The following GDPD4 variants were observed in gnomAD, a reference collection of about 807,000 sequenced individuals.
GDPD4 encodes the protein glycerophosphodiester phosphodiesterase 6.
A neutral mutation model predicts 67.8 loss-of-function variants in GDPD4; 60 were observed. The ratio of observed to expected loss-of-function variants is 0.88; its 90% confidence interval spans 0.72 to 1.10. The LOEUF (loss-of-function observed/expected upper bound fraction) is 1.10, where lower values mean the gene tolerates loss of function less well. Ranked by LOEUF, GDPD4 falls within the 50% of genes least tolerant of loss-of-function variation. The probability of loss-of-function intolerance (pLI) is 0.00; values close to 1 mark genes in which losing one functional copy is unlikely to be tolerated. For missense variants in GDPD4, 623 were observed against 613.9 expected (o/e 1.01, Z -0.16); for synonymous variants, 212 against 210.9 (o/e 1.00, Z -0.04).
intron 9 of GDPD4, among the ~76,000 whole-genome samples, 171 bp from the exon 10 acceptor site, chr11:77,268,710 A>G (rs1959190846): frequency 6.6e-6 from 1 of 152,176 alleles, no homozygotes; most frequent in Non-Finnish European, 1.5e-5. Flanking sequence ...GACTCTGCTC[A>G]TCTGAGACAA....
At chr11:77,268,888 C>G (rs745876832) in intron 9 of GDPD4, 36 bp downstream of exon 9, 84 of 1,604,376 alleles carry the variant, frequency 5.2e-5, no homozygotes, top group Non-Finnish European at 7.0e-5. Context: ...CCCACACATA[C>G]TTATTTTCAC....
rs181673705 is a variant in GDPD4 at position 77,283,328 on chromosome 11, A to C, written c.53+1757T>G. Among the ~76,000 whole-genome samples the C allele has an allele frequency of 1.6e-3, 239 of 152,316 alleles. 3 individuals carry two copies. The highest frequency in any genetic ancestry group is 5.6e-3 in the African/African-American group (231 of 41,560). On this transcript the variant is annotated intron_variant, in intron 3 of 16. Coordinates refer to ENST00000315938, the MANE Select transcript of GDPD4 (RefSeq NM_182833.3). ...TAATGAAAGTAATATGACCAGAGTG[A>C]CCAGTGTCATTTTGATGACCAGAGT... is the stretch of plus-strand genomic sequence containing the variant.
At chr11:77,245,243 C>G in intron 12 of GDPD4, 38 bp downstream of exon 12, 1 of 1,529,582 alleles carries the variant, frequency 6.5e-7, no homozygotes, top group Non-Finnish European at 9.1e-7. Flanking sequence ...ATGCTACCCA[C>G]CTCCCAACCT....
At chr11:77,268,336 T>C (rs1444244446) in intron 10 of GDPD4, 121 bp downstream of exon 10, 2 of 699,994 alleles carry the variant, frequency 2.9e-6, no homozygotes, top group Non-Finnish European at 5.2e-6. Flanking sequence ...ATATATGCCA[T>C]ATGAACACAG....
chr11:77,283,851 A>AT (rs71272229), intron 3 of GDPD4, among the ~76,000 whole-genome samples: 21,810 of 124,540 alleles, frequency 0.18, 2,415 homozygotes, highest in Middle Eastern at 0.25. Flanking sequence ...GACATAATGA[A>AT]TTTTTTTTTT....
Position 77,258,352 on chromosome 11 carries a change from A to G in GDPD4, c.864+34T>C, listed in dbSNP as rs1238531425. The stretch of plus-strand genomic sequence containing the variant: ...GCACATGATCTCTTACAAAAATTCA[A>G]TGCAGGTTTGTGGAACTTGGGAATG... On this transcript the variant is annotated intron_variant, in intron 11 of 16. Coordinates refer to ENST00000315938, the MANE Select transcript of GDPD4 (RefSeq NM_182833.3). 5.0e-6 allele frequency: 8 copies of G among 1,606,008 alleles called. No homozygotes were observed. In the Admixed American group the frequency reaches 5.0e-5, roughly 10 times the overall value.
In GDPD4 at chr11:77,242,085, TTAGA is replaced by T. The variant is rs1958678991; in HGVS notation, c.1241+1605_1241+1608del. Among the ~76,000 whole-genome samples, 15 of 19,162 alleles carry T rather than the reference TTAGA, an allele frequency of 7.8e-4. No homozygotes were observed. In the East Asian group the frequency reaches 0.021, roughly 27 times the overall value. 12.6% of individuals were successfully genotyped at this position (19,162 alleles called of 152,430 possible). ...TGGGTCAAAAGGTATAAAGTTTCAG[TTAGA>T]TAGAGGGAAATGTTTTGAGATCTAT... On this transcript the variant is annotated intron_variant, in intron 13 of 16. Transcript: ENST00000315938.
chr11:77,292,073 TATCTG>T (rs1416231882), intron 1 of GDPD4, among the ~76,000 whole-genome samples: 1 of 151,986 alleles, frequency 6.6e-6, no homozygotes, highest in Non-Finnish European at 1.5e-5. Context: ...GTGTTTTTGG[TATCTG>T]ATCATACACA....
chr11:77,251,706 C>G (rs769554042), intron 11 of GDPD4, among the ~76,000 whole-genome samples: 2 of 152,104 alleles, frequency 1.3e-5, no homozygotes, highest in African/African-American at 2.4e-5. Context: ...TATTTGGGAA[C>G]CTTTGAGCTT....
chr11:77,225,410 G>A (rs2135822660), intron 16 of GDPD4, among the ~76,000 whole-genome samples: 1 of 151,824 alleles, frequency 6.6e-6, no homozygotes, highest in South Asian at 2.1e-4. Context: ...AATATTTGAA[G>A]AAATAAAGAC....
intron 1 of GDPD4, among the ~76,000 whole-genome samples, chr11:77,300,862 T>C (rs1003434642): frequency 2.0e-5 from 3 of 152,212 alleles, no homozygotes; most frequent in African/African-American, 7.2e-5. Context: ...TGGTTAATGA[T>C]GAAACTACTG....
At chr11:77,223,474 G>A (rs544475812) in intron 16 of GDPD4, among the ~76,000 whole-genome samples, 1 of 152,246 alleles carries the variant, frequency 6.6e-6, no homozygotes, top group African/African-American at 2.4e-5. Flanking sequence ...GGGGGAGTTT[G>A]CTGGAGGTCC....
chr11:77,264,841 ATTATTTTGAGCTGG>A (rs934508747), intron 10 of GDPD4, among the ~76,000 whole-genome samples: 167 of 152,176 alleles, frequency 1.1e-3, no homozygotes, highest in African/African-American at 3.9e-3. Context: ...TGGCATATTG[ATTATTTTGAGCTGG>A]TTATTTTGAG....
intron 13 of GDPD4, among the ~76,000 whole-genome samples, chr11:77,235,521 C>G (rs888085282): frequency 3.9e-5 from 6 of 152,118 alleles, no homozygotes; most frequent in African/African-American, 1.4e-4. Flanking sequence ...TACAATAGAT[C>G]CATACAAATG....
rs558840891 is a variant in GDPD4, at chr11:77,222,638, A to T, written c.1525+5226T>A. Among the ~76,000 whole-genome samples the T allele has an allele frequency of 2.6e-5, 4 of 152,224 alleles. No homozygotes were observed. In the South Asian group the frequency reaches 8.3e-4, roughly 32 times the overall value. On this transcript the variant is annotated intron_variant, in intron 16 of 16. Coordinates refer to ENST00000315938, the MANE Select transcript of GDPD4 (RefSeq NM_182833.3). ...TGGGCTTCCCTTTGTGGGTAACCCG[A>T]CCTTTCTCTCTGGCTGCCCTTAACA...
chr11:77,216,883 G>GACAT lies in GDPD4; in HGVS notation c.*390_*393dup. ...TGTCAGATGCAATGGAATATATTGT[G>GACAT]ACATAGGATTATTTGGAGTATTCAG... On this transcript the variant is annotated 3_prime_UTR_variant, in exon 17 of 17. Transcript: ENST00000315938. 1 of 678,512 alleles carries GACAT rather than the reference G, an allele frequency of 1.5e-6. No individual in the cohort carries two copies. The allele number at this position is 678,512 out of a possible 1,614,324, so 42.0% of individuals were successfully genotyped here.
intron 5 of GDPD4, among the ~76,000 whole-genome samples, chr11:77,274,951 A>G (rs1959387469): frequency 6.6e-6 from 1 of 152,222 alleles, no homozygotes; most frequent in African/African-American, 2.4e-5. Context: ...CATTAGATAA[A>G]GAGTAAGTTC....
At chr11:77,273,423 C>T (rs1023490158) in intron 5 of GDPD4, among the ~76,000 whole-genome samples, 5 of 152,150 alleles carry the variant, frequency 3.3e-5, no homozygotes, top group African/African-American at 7.2e-5. Context: ...TTAACAATCA[C>T]CCTGCACTTT....
At chr11:77,224,691 A>AATTG (rs1472296351) in intron 16 of GDPD4, among the ~76,000 whole-genome samples, 15 of 152,202 alleles carry the variant, frequency 9.9e-5, no homozygotes, top group African/African-American at 3.6e-4. Context: ...TTGTAGCCCC[A>AATTG]ATTGATACCC....
Sources: gnomAD v4.1 joint callset for allele counts (sites outside exome capture counted in the v4.1 genomes callset) on GRCh38, gnomAD v4.1.1 for gene constraint, MANE v1.5 for transcripts, NCBI Gene and HGNC (gene_info 2026-07-23, HGNC 2026-07-21) for gene names.